Variants in PTGES3 observed in about 807,000 individuals in gnomAD.
PTGES3 encodes Hsp90 co-chaperone.
A neutral mutation model predicts 29.9 loss-of-function variants in PTGES3; 5 were observed. The ratio of observed to expected loss-of-function variants is 0.17; its 90% confidence interval spans 0.09 to 0.35. The LOEUF (loss-of-function observed/expected upper bound fraction) is 0.35, where lower values mean the gene tolerates loss of function less well. Ranked by LOEUF, PTGES3 falls within the 10% of genes least tolerant of loss-of-function variation. The pLI, the probability that PTGES3 is intolerant of heterozygous loss-of-function variation, is 1.00. For synonymous variants in PTGES3, 49 were observed against 57.8 expected, an observed-to-expected ratio of 0.85 and a Z score of 0.69; for missense variants, 128 against 190.0, an observed-to-expected ratio of 0.67 and a Z score of 1.92.
chr12:56,685,986 A>C (rs1478859610), intron 1 of PTGES3, among the ~76,000 whole-genome samples: 1 of 151,834 alleles, frequency 6.6e-6, no homozygotes, highest in African/African-American at 2.4e-5. Flanking sequence ...CATATTGGCC[A>C]GGCTGGTCTC....
chr12:56,671,078 CTGGCATGAG>C (rs970828207), intron 4 of PTGES3, among the ~76,000 whole-genome samples: 16 of 151,966 alleles, frequency 1.1e-4, no homozygotes, highest in Admixed American at 2.0e-4. Context: ...CCAGTGCACT[CTGGCATGAG>C]TGGCATGAGA....
chr12:56,683,414 G>A (rs1302949774), intron 1 of PTGES3, among the ~76,000 whole-genome samples: 1 of 138,514 alleles, frequency 7.2e-6, no homozygotes, highest in Non-Finnish European at 1.5e-5. Flanking sequence ...CGGAGGTTGC[G>A]GTGAGCCGAG....
chr12:56,673,340 T>A (rs1592254479), intron 1 of PTGES3, among the ~76,000 whole-genome samples: 1 of 151,874 alleles, frequency 6.6e-6, no homozygotes, highest in African/African-American at 2.4e-5. Context: ...TCAAAAATTA[T>A]GTTACTTGGC....
chr12:56,670,161 A>C, intron 5 of PTGES3, 114 bp downstream of exon 5: 2 of 675,044 alleles, frequency 3.0e-6, no homozygotes, highest in South Asian at 3.7e-5. Flanking sequence ...TGGTCTTAAA[A>C]ATAAAATAAC....
In PTGES3 at chr12:56,663,892, T is replaced by G. The variant is rs911994953; in HGVS notation, c.*587A>C. The G allele has an allele frequency of 2.0e-5, 3 of 152,982 alleles. No individual in the cohort carries two copies. The highest frequency in any genetic ancestry group is 6.5e-5 in the Admixed American group (1 of 15,286). The allele number at this position is 152,982 out of a possible 1,614,324, so 9.5% of individuals were successfully genotyped here. ...CCAATTGTATAGGCTTCAAAAACCATCTAAGTTAGGGCATTCTCTAGTTTT... is the reference window on the plus strand; with the variant it reads ...CCAATTGTATAGGCTTCAAAAACCAGCTAAGTTAGGGCATTCTCTAGTTTT... On this transcript the variant is annotated 3_prime_UTR_variant, in exon 8 of 8. Coordinates refer to ENST00000262033, the MANE Select transcript of PTGES3 (RefSeq NM_006601.7).
At chr12:56,682,736 A>AAAAAAAAAG (rs61165567) in intron 1 of PTGES3, among the ~76,000 whole-genome samples, 1 of 149,860 alleles carries the variant, frequency 6.7e-6, no homozygotes, top group African/African-American at 2.5e-5. Flanking sequence ...AAAAAAAAAA[A>AAAAAAAAAG]GGCCGGGCGT....
At chr12:56,670,437 T>C (rs937726058) in intron 4 of PTGES3, 73 bp from the exon 5 acceptor site, 29 of 1,119,992 alleles carry the variant, frequency 2.6e-5, no homozygotes, top group East Asian at 1.9e-4. Flanking sequence ...GACTACGTTT[T>C]CTTTTCTTCT....
chr12:56,688,164 G>A lies in PTGES3; in HGVS notation c.-165C>T. On this transcript the variant is annotated 5_prime_UTR_variant, in exon 1 of 8. Transcript: ENST00000262033. ...GGCGGCAGCGGCGGGCTCGACCTCG[G>A]GCCCCAGAATGCACCGCGCGGAAAG... is the stretch of plus-strand genomic sequence containing the variant. The A allele has an allele frequency of 7.7e-7, 1 of 1,301,170 alleles. No homozygotes were observed. Among genetic ancestry groups the A allele is most frequent in the African/African-American group, 1.6e-5 (1 of 64,194 alleles). 80.6% of individuals were successfully genotyped at this position (1,301,170 alleles called of 1,614,324 possible).
chr12:56,674,535 C>G (rs1477019609), intron 1 of PTGES3, among the ~76,000 whole-genome samples: 1 of 151,170 alleles, frequency 6.6e-6, no homozygotes, highest in African/African-American at 2.4e-5. Flanking sequence ...GCTAAAATTA[C>G]AAAAAATTCA....
chr12:56,682,957 G>A (rs1446747574), intron 1 of PTGES3, among the ~76,000 whole-genome samples: 4 of 151,626 alleles, frequency 2.6e-5, no homozygotes, highest in African/African-American at 7.3e-5. Flanking sequence ...TCGCGCCACT[G>A]CACTGCAGTC....
chr12:56,670,414 G>C (rs755560723), intron 4 of PTGES3, 50 bp from the exon 5 acceptor site: 1 of 1,344,040 alleles, frequency 7.4e-7, no homozygotes. Context: ...TTTGCATTTG[G>C]CATGAACCTT....
At chr12:56,679,670 T>C (rs1335303126) in intron 1 of PTGES3, among the ~76,000 whole-genome samples, 1 of 151,680 alleles carries the variant, frequency 6.6e-6, no homozygotes, top group African/African-American at 2.4e-5. Context: ...CCATATGTTT[T>C]GGGTTTGTTT....
At chr12:56,685,396 TTTC>T (rs1463633801) in intron 1 of PTGES3, among the ~76,000 whole-genome samples, 8 of 99,610 alleles carry the variant, frequency 8.0e-5, no homozygotes, top group East Asian at 3.1e-4. Context: ...CATTTTTTCT[TTTC>T]TTTTTTTTTT....
intron 5 of PTGES3, 139 bp downstream of exon 5, chr12:56,670,136 A>T: frequency 1.7e-6 from 1 of 604,802 alleles, no homozygotes; most frequent in Non-Finnish European, 3.0e-6. Context: ...ACATCTATTT[A>T]CTATGACTGC....
intron 1 of PTGES3, among the ~76,000 whole-genome samples, chr12:56,673,384 C>A (rs992554642): frequency 6.8e-6 from 1 of 146,388 alleles, no homozygotes; most frequent in Non-Finnish European, 1.5e-5. Context: ...AATCCCAGCA[C>A]TTTGGGAGGC....
chr12:56,671,926 T>C, intron 3 of PTGES3, 79 bp from the exon 4 acceptor site: 1 of 870,764 alleles, frequency 1.1e-6, no homozygotes, highest in Non-Finnish European at 1.6e-6. Flanking sequence ...ATTTCTCACC[T>C]TTCTCATTTC....
At chr12:56,669,561 G>A (rs1044049680) in intron 5 of PTGES3, among the ~76,000 whole-genome samples, 3 of 152,184 alleles carry the variant, frequency 2.0e-5, no homozygotes. Flanking sequence ...GGGATTACAG[G>A]CGTGAGCCAC....
intron 1 of PTGES3, among the ~76,000 whole-genome samples, chr12:56,685,410 T>C (rs1487773310): frequency 6.7e-6 from 1 of 150,274 alleles, no homozygotes; most frequent in Admixed American, 6.6e-5. Context: ...TTTTTTTTTT[T>C]TTTTTTTTTT....
intron 4 of PTGES3, among the ~76,000 whole-genome samples, chr12:56,671,510 G>A (rs1158996071): frequency 6.6e-6 from 1 of 152,170 alleles, no homozygotes; most frequent in East Asian, 1.9e-4. Flanking sequence ...CCTCCCATGT[G>A]ATAGCTGAGT....
Sources: gnomAD v4.1 joint callset for allele counts (sites outside exome capture counted in the v4.1 genomes callset) on GRCh38, gnomAD v4.1.1 for gene constraint, MANE v1.5 for transcripts, NCBI Gene and HGNC (gene_info 2026-07-23, HGNC 2026-07-21) for gene names.